The following HELZ variants were observed in gnomAD, a reference collection of about 807,000 sequenced individuals.
The protein encoded by HELZ is helicase with zinc finger.
Under a neutral mutation model 218.2 loss-of-function variants are expected in HELZ, and 23 were observed. The ratio of observed to expected loss-of-function variants is 0.11; its 90% CI spans 0.08 to 0.15. HELZ has a LOEUF of 0.15. Among genes scored for constraint, HELZ ranks in the 10% least tolerant of loss-of-function variants. The pLI is 1.00. For missense variants in HELZ, 1,813 were observed against 2,353.7 expected, an observed-to-expected ratio of 0.77 and a Z score of 4.75; for synonymous variants, 814 against 829.4, an observed-to-expected ratio of 0.98 and a Z score of 0.32.
intron 5 of HELZ, among the ~76,000 whole-genome samples, chr17:67,207,705 T>A: frequency 6.6e-6 from 1 of 152,082 alleles, no homozygotes; most frequent in Non-Finnish European, 1.5e-5. Context: ...CTCTCAGAAC[T>A]AACAATTCAG....
At position 67,078,406 on chromosome 17, in the gene HELZ, G is replaced by A; in HGVS notation, c.5675C>T (p.Pro1892Leu). 2.5e-6 allele frequency: 4 copies of A among 1,601,336 alleles called. No individual in the cohort carries two copies. The highest frequency in any genetic ancestry group is 3.4e-6 in the Non-Finnish European group (4 of 1,175,904). ...CAGAGCGCTGGCATAGGACATGGCG[G>A]GCTTGCCCCCCGCAGAGCTCTGGGG... ...SSPQSSAGGK[P>L]AMSYASALRA... Residue 1892 changes from proline to leucine, a missense_variant, in exon 33 of 33, where the codon CCC (proline) becomes CTC (leucine). Physicochemically the swap from Pro to Leu is moderately conservative, Grantham distance 98. Around this residue, in one of 4 missense-constraint regions of HELZ, gnomAD observed 938 missense variants for 1,027.5 expected, o/e 0.91. Coordinates refer to ENST00000358691, the MANE Select transcript of HELZ (RefSeq NM_014877.4).
chr17:67,190,324 C>A lies in HELZ; in HGVS notation c.589G>T (p.Ala197Ser), dbSNP rs775540709. The change falls in exon 10 of 33, where the codon GCC (alanine) becomes TCC (serine). Residue 197 changes from alanine (A) to serine (S), a missense_variant. Transcript: ENST00000358691. ...TGGGAATGTGCTGAAGTACACTGGG[C>A]ACCATACCTACAGATTCCTTGTTCT... is the stretch of plus-strand genomic sequence containing the variant. ...FLEQGICRYG[A>S]QCTSAHSQEE... The A allele has an allele frequency of 6.2e-7, 1 of 1,613,614 alleles. No homozygotes were observed. Among genetic ancestry groups the A allele is most frequent in the South Asian group, 1.1e-5 (1 of 91,060 alleles).
chr17:67,092,702 AC>A (rs2036607612), intron 31 of HELZ, among the ~76,000 whole-genome samples: 1 of 152,226 alleles, frequency 6.6e-6, no homozygotes, highest in African/African-American at 2.4e-5. Flanking sequence ...GCAGTGGTTC[AC>A]GCCTGTAATC....
intron 23 of HELZ, among the ~76,000 whole-genome samples, chr17:67,129,656 T>C (rs753009722): frequency 1.9e-4 from 29 of 152,144 alleles, no homozygotes; most frequent in Non-Finnish European, 3.4e-4. Flanking sequence ...ATATGGGAAG[T>C]TGGAATGCTA....
chr17:67,113,537 G>A (rs1159835238), intron 28 of HELZ, among the ~76,000 whole-genome samples: 1 of 152,174 alleles, frequency 6.6e-6, no homozygotes, highest in Non-Finnish European at 1.5e-5. Flanking sequence ...TGGGATTACA[G>A]GCGTGAGCAA....
At chr17:67,103,835 T>C (rs2037004709) in intron 31 of HELZ, among the ~76,000 whole-genome samples, 1 of 152,186 alleles carries the variant, frequency 6.6e-6, no homozygotes, top group South Asian at 2.1e-4. Context: ...ATACTTCCAA[T>C]TCCAAAACTT....
In HELZ at chr17:67,160,879, C is replaced by T. The variant is rs200700003; in HGVS notation, c.2075+18G>A. On this transcript the variant is annotated intron_variant, in intron 16 of 32. Coordinates refer to ENST00000358691, the MANE Select transcript of HELZ (RefSeq NM_014877.4). ...GTATCCTACCAGGGAAATATGAGCACGCTTCCCACCCTCTCACCTAGTCTC... is the reference window on the plus strand; with the variant it reads ...GTATCCTACCAGGGAAATATGAGCATGCTTCCCACCCTCTCACCTAGTCTC... 1.3e-4 allele frequency: 196 copies of T among 1,561,582 alleles called. 1 individual carries two copies. The African/African-American group carries it at 2.3e-3, about 18-fold the overall frequency.
At chr17:67,245,004 C>T (rs1598500669) in intron 1 of HELZ, 144 bp downstream of exon 1, 1 of 985,572 alleles carries the variant, frequency 1.0e-6, no homozygotes, top group Non-Finnish European at 1.2e-6. Context: ...GGCCCAGCCG[C>T]GGGCCGCCCA....
At chr17:67,115,123 T>C (rs761057332) in intron 27 of HELZ, among the ~76,000 whole-genome samples, 1 of 152,060 alleles carries the variant, frequency 6.6e-6, no homozygotes, top group African/African-American at 2.4e-5. Flanking sequence ...CAGAATTACC[T>C]TACCATTAAG....
intron 14 of HELZ, among the ~76,000 whole-genome samples, chr17:67,167,149 A>G (rs1156796275): frequency 6.6e-6 from 1 of 152,238 alleles, no homozygotes; most frequent in African/African-American, 2.4e-5. Context: ...AGGAACAGAT[A>G]CAACTGCAGA....
chr17:67,211,102 T>C (rs528506803), intron 5 of HELZ, among the ~76,000 whole-genome samples: 26 of 152,242 alleles, frequency 1.7e-4, no homozygotes, highest in Admixed American at 1.6e-3. Context: ...AACAATGAAC[T>C]TGGAACTGAA....
intron 11 of HELZ, 35 bp downstream of exon 11, chr17:67,189,543 AAAATTAAACAC>A: frequency 7.8e-7 from 1 of 1,284,002 alleles, no homozygotes; most frequent in East Asian, 2.3e-5. Context: ...AAACGTTCAG[AAAATTAAACAC>A]AACTTTTATG....
At chr17:67,139,710 A>G (rs369914426) in intron 21 of HELZ, among the ~76,000 whole-genome samples, 38 of 152,336 alleles carry the variant, frequency 2.5e-4, no homozygotes, top group African/African-American at 8.7e-4. Context: ...AGAACAGTGG[A>G]AGGTTGAGGC....
At chr17:67,083,501 G>A (rs1371416044) in intron 32 of HELZ, among the ~76,000 whole-genome samples, 2 of 152,028 alleles carry the variant, frequency 1.3e-5, no homozygotes, top group Non-Finnish European at 2.9e-5. Flanking sequence ...TTAGGCGGGC[G>A]CCTGTAATCC....
intron 13 of HELZ, chr17:67,176,561 G>A (rs888301103): frequency 6.6e-6 from 1 of 152,222 alleles, no homozygotes; most frequent in Non-Finnish European, 1.5e-5. Flanking sequence ...CTGGGCCAGG[G>A]GCGGTGGCTC....
intron 31 of HELZ, among the ~76,000 whole-genome samples, chr17:67,102,097 G>A (rs1489952015): frequency 6.6e-6 from 1 of 152,306 alleles, no homozygotes; most frequent in East Asian, 1.9e-4. Flanking sequence ...AGGTGGGGAA[G>A]GAAAATCCAT....
intron 12 of HELZ, among the ~76,000 whole-genome samples, chr17:67,180,244 G>A (rs1466362313): frequency 1.3e-5 from 2 of 152,088 alleles, no homozygotes; most frequent in Non-Finnish European, 2.9e-5. Flanking sequence ...ATCACGTTGG[G>A]AGGTCAAGGC....
At chr17:67,161,127 GAACAT>G (rs1356734345) in intron 15 of HELZ, 51 bp from the exon 16 acceptor site, 1 of 1,343,584 alleles carries the variant, frequency 7.4e-7, no homozygotes, top group Non-Finnish European at 1.0e-6. Context: ...TTAATAAATA[GAACAT>G]AACACACGAG....
intron 5 of HELZ, among the ~76,000 whole-genome samples, chr17:67,206,232 A>G (rs745526364): frequency 1.3e-5 from 2 of 152,242 alleles, no homozygotes; most frequent in Non-Finnish European, 2.9e-5. Flanking sequence ...GTGCGCACAC[A>G]ACTGTTCTCA....
Sources: gnomAD v4.1 joint callset for allele counts (sites outside exome capture counted in the v4.1 genomes callset) on GRCh38, gnomAD v4.1.1 for gene constraint, gnomAD v4.1.1 regional missense constraint, MANE v1.5 for transcripts, NCBI Gene and HGNC (gene_info 2026-07-23, HGNC 2026-07-21) for gene names.